The following NFATC2 variants were observed in gnomAD, a reference collection of about 807,000 sequenced individuals.
NFATC2 encodes the protein nuclear factor of activated T-cells, cytoplasmic 2.
In NFATC2, 22 loss-of-function variants were observed where a neutral mutation model predicts 87.3. The observed-to-expected ratio is 0.25, with a 90% CI of 0.18 to 0.36. The LOEUF (loss-of-function observed/expected upper bound fraction) is 0.36. Ranked by LOEUF, NFATC2 falls within the 10% of genes least tolerant of loss-of-function variation. The pLI is 1.00. For synonymous variants in NFATC2, 565 were observed against 542.2 expected (o/e 1.04, Z -0.58); for missense variants, 1,149 against 1,259.1 (o/e 0.91, Z 1.32).
Position 51,471,297 on chromosome 20 carries a change from G to A in NFATC2, c.1708+2683C>T, listed in dbSNP as rs372555169. On this transcript the variant is annotated intron_variant, in intron 5 of 10. Transcript: ENST00000371564. ...GGAACATGAGTCATTTGCCAGAAAG[G>A]GGAGACCTTATCTGCTCACAATCCC... Among the ~76,000 whole-genome samples, 15 of 152,212 alleles carry A rather than the reference G, an allele frequency of 9.9e-5. No individual in the cohort carries two copies. In the East Asian group the frequency reaches 2.5e-3, roughly 25 times the overall value.
chr20:51,444,532 G>A (rs1984797419), intron 6 of NFATC2, among the ~76,000 whole-genome samples: 1 of 152,086 alleles, frequency 6.6e-6, no homozygotes, highest in Admixed American at 6.6e-5. Flanking sequence ...GGAGCTGCGG[G>A]CTCATGTCAG....
At chr20:51,426,921 A>G (rs1416640735) in intron 9 of NFATC2, among the ~76,000 whole-genome samples, 1 of 152,164 alleles carries the variant, frequency 6.6e-6, no homozygotes, top group Non-Finnish European at 1.5e-5. Flanking sequence ...CATGAAGAAC[A>G]GGGCAGAAGT....
chr20:51,470,966 TG>T (rs1988151037), intron 5 of NFATC2, among the ~76,000 whole-genome samples: 1 of 152,192 alleles, frequency 6.6e-6, no homozygotes, highest in African/African-American at 2.4e-5. Flanking sequence ...ACCAGAAAGT[TG>T]AAGACTGGCT....
In NFATC2 at chr20:51,495,394, C is replaced by T. The variant is rs74505148; in HGVS notation, c.1333-19734G>A. On this transcript the variant is annotated intron_variant, in intron 3 of 10. Coordinates refer to ENST00000371564, the MANE Select transcript of NFATC2 (RefSeq NM_012340.5). ...TGAGCCAGCACACATGGCTGGAAAG[C>T]CTCCTTTCTTAAAAAGACTTGTGTG... is the stretch of plus-strand genomic sequence containing the variant. Among the ~76,000 whole-genome samples, 903 of 152,286 alleles carry T rather than the reference C, an allele frequency of 5.9e-3. 4 individuals carry two copies. The highest frequency in any genetic ancestry group is 0.044 in the Middle Eastern group (13 of 294).
At chr20:51,449,177 C>T (rs977421060) in intron 6 of NFATC2, among the ~76,000 whole-genome samples, 5 of 152,164 alleles carry the variant, frequency 3.3e-5, no homozygotes, top group African/African-American at 4.8e-5. Flanking sequence ...TCAACTGTTC[C>T]GCCCCGCCCC....
intron 10 of NFATC2, among the ~76,000 whole-genome samples, chr20:51,395,513 G>A (rs1284518770): frequency 1.3e-5 from 2 of 152,128 alleles, no homozygotes; most frequent in African/African-American, 4.8e-5. Flanking sequence ...ACACAATTGA[G>A]GCCAGCAGTT....
chr20:51,516,917 G>A lies in NFATC2; in HGVS notation c.1199C>T (p.Pro400Leu), dbSNP rs760093998. Reference sequence around the variant, plus strand: ...GTAAGAGCCTGACTGACTGGACAGCGGCCACTCAAGTGGAGGGAGGGATGC... The same window carrying A: ...GTAAGAGCCTGACTGACTGGACAGCAGCCACTCAAGTGGAGGGAGGGATGC... ...VTASLPPLEW[P>L]LSSQSGSYEL... Residue 400 changes from proline (P) to leucine (L), a missense_variant, in exon 3 of 11, where the codon CCG becomes CTG. Around this residue, in one of 3 missense-constraint regions of NFATC2, gnomAD observed 563 missense variants for 585.2 expected, o/e 0.96. Coordinates refer to ENST00000371564, the MANE Select transcript of NFATC2 (RefSeq NM_012340.5). 12 of 1,614,066 alleles carry A rather than the reference G, an allele frequency of 7.4e-6. No individual in the cohort carries two copies. The highest frequency in any genetic ancestry group is 1.0e-5 in the Non-Finnish European group (12 of 1,179,972).
chr20:51,391,143 A>G lies in NFATC2; in HGVS notation c.*353T>C, dbSNP rs554650657. 7 of 637,040 alleles carry G rather than the reference A, an allele frequency of 1.1e-5. No homozygotes were observed. Among genetic ancestry groups the G allele is most frequent in the South Asian group, 1.1e-4 (7 of 63,862 alleles). 39.5% of individuals were successfully genotyped at this position (637,040 alleles called of 1,614,324 possible). On this transcript the variant is annotated 3_prime_UTR_variant, in exon 11 of 11. Transcript: ENST00000371564. Reference sequence around the variant, plus strand: ...TGCTTTTGGTCAGCAGGTGCTTACTATTTGGACGGAACACCATTAAGATCA... The same window carrying G: ...TGCTTTTGGTCAGCAGGTGCTTACTGTTTGGACGGAACACCATTAAGATCA...
chr20:51,552,711 A>C (rs1172981099), intron 1 of NFATC2, among the ~76,000 whole-genome samples: 7 of 152,180 alleles, frequency 4.6e-5, no homozygotes, highest in African/African-American at 1.7e-4. Context: ...ACAGCAGTAG[A>C]AGTCACAGGT....
chr20:51,556,782 C>G (rs532191227), intron 1 of NFATC2, among the ~76,000 whole-genome samples: 5 of 152,152 alleles, frequency 3.3e-5, no homozygotes, highest in Non-Finnish European at 7.4e-5. Flanking sequence ...CCCGGAGCCC[C>G]GGAGTGTCAG....
In NFATC2 at chr20:51,526,258, C is replaced by T. The variant is rs374948941; in HGVS notation, c.131-2148G>A. On this transcript the variant is annotated intron_variant, in intron 1 of 10. Transcript: ENST00000371564. ...CAAACCACAGCCCATGGGCCAAATGCGGCCCATGGGTTGTGTTTGTAAATA... is the reference window on the plus strand; with the variant it reads ...CAAACCACAGCCCATGGGCCAAATGTGGCCCATGGGTTGTGTTTGTAAATA... 5.9e-5 allele frequency among the ~76,000 whole-genome samples: 9 copies of T among 152,242 alleles called. No homozygotes were observed. The South Asian group carries it at 1.5e-3, about 25-fold the overall frequency.
intron 3 of NFATC2, among the ~76,000 whole-genome samples, chr20:51,492,624 G>C (rs1461435871): frequency 1.3e-5 from 2 of 152,198 alleles, no homozygotes; most frequent in Non-Finnish European, 2.9e-5. Context: ...CGGCTTCAAA[G>C]GGCTGGCACC....
chr20:51,398,991 G>T, intron 9 of NFATC2: 1 of 381,654 alleles, frequency 2.6e-6, no homozygotes, highest in Non-Finnish European at 4.8e-6. Context: ...AGCGTGTTCA[G>T]GGTGGACAAA....
At chr20:51,394,514 C>G (rs1986773877) in intron 10 of NFATC2, among the ~76,000 whole-genome samples, 1 of 152,170 alleles carries the variant, frequency 6.6e-6, no homozygotes, top group Non-Finnish European at 1.5e-5. Flanking sequence ...GCCTCCTTGG[C>G]AAAGCCCCCC....
At chr20:51,457,794 C>G (rs577066880) in intron 5 of NFATC2, among the ~76,000 whole-genome samples, 2 of 151,970 alleles carry the variant, frequency 1.3e-5, no homozygotes, top group Admixed American at 6.5e-5. Context: ...GTGATTCTTG[C>G]GCACTATCAA....
Position 51,523,647 on chromosome 20 carries a change from G to T in NFATC2, c.594C>A (p.Pro198=), listed in dbSNP as rs201971596. The change falls in exon 2 of 11, where the codon CCC becomes CCA. Residue 198 remains proline (P), a synonymous_variant. Coordinates refer to ENST00000371564, the MANE Select transcript of NFATC2 (RefSeq NM_012340.5). The surrounding 1 kb of genome is among the most constrained non-coding windows in gnomAD (Gnocchi z 6.9). ...TTTGAAACTGCGGACACAGGTCGTC[G>T]GGCCCGCCGTTATTGGGCGAGACGC... ...SPCVSPNNGG[P]DDLCPQFQNI... is the part of the protein sequence containing the mutation. 3.3e-5 allele frequency: 54 copies of T among 1,613,768 alleles called. No homozygotes were observed. The South Asian group carries it at 5.6e-4, about 17-fold the overall frequency.
rs1988289586 is a variant in NFATC2, at chr20:51,403,758, C to T, written c.2723-5028G>A. 5.3e-5 allele frequency among the ~76,000 whole-genome samples: 8 copies of T among 152,324 alleles called. No homozygotes were observed. The South Asian group carries it at 1.5e-3, about 28-fold the overall frequency. Reference sequence around the variant, plus strand: ...AGCCAGGACCTAAGCAGGTCCTCTCCAGAACCTGATCTTGACAGGATTCTC... The same window carrying T: ...AGCCAGGACCTAAGCAGGTCCTCTCTAGAACCTGATCTTGACAGGATTCTC... On this transcript the variant is annotated intron_variant, in intron 9 of 10. Transcript: ENST00000371564.
rs6096415 is a variant in NFATC2 at position 51,408,511 on chromosome 20, T to A, written c.2723-9781A>T. ...CCTGGGGGACTGAGCAAGACTCTTT[T>A]TAAAAAAAAAAAAAAAAAAAGCCAG... On this transcript the variant is annotated intron_variant, in intron 9 of 10. Transcript: ENST00000371564. 1.2e-3 allele frequency among the ~76,000 whole-genome samples: 156 copies of A among 125,320 alleles called. 3 individuals carry two copies. The highest frequency in any genetic ancestry group is 3.9e-3 in the Middle Eastern group (1 of 258). 82.2% of individuals were successfully genotyped at this position (125,320 alleles called of 152,430 possible).
chr20:51,473,538 C>T (rs1365557867), intron 5 of NFATC2, among the ~76,000 whole-genome samples: 1 of 152,182 alleles, frequency 6.6e-6, no homozygotes, highest in African/African-American at 2.4e-5. Context: ...CGGAGCACTT[C>T]ACACTGTGAC....
Sources: allele counts gnomAD v4.1 joint callset (sites outside exome capture counted in the v4.1 genomes callset), GRCh38; gene constraint gnomAD v4.1.1; regional missense constraint gnomAD v4.1.1; non-coding constraint Gnocchi (gnomAD v3.1); transcripts MANE v1.5; gene names NCBI Gene and HGNC (gene_info 2026-07-23, HGNC 2026-07-21).